Variants in DOCK5 observed in about 807,000 individuals in gnomAD.
DOCK5 encodes dedicator of cytokinesis protein 5.
DOCK5 carries 142 observed loss-of-function variants against 251.8 expected under a neutral mutation model. That is an observed-to-expected ratio of 0.56 (90% CI 0.49 to 0.65). The LOEUF (loss-of-function observed/expected upper bound fraction) is 0.65, where lower values mean the gene tolerates loss of function less well. Among genes scored for constraint, DOCK5 ranks in the 30% least tolerant of loss-of-function variants. DOCK5 has a pLI of 0.00. For synonymous variants in DOCK5, 842 were observed against 835.5 expected (o/e 1.01, Z -0.13); for missense variants, 2,111 against 2,312.3 (o/e 0.91, Z 1.79).
chr8:25,319,298 C>G (rs1805356688), intron 14 of DOCK5, among the ~76,000 whole-genome samples: 1 of 152,102 alleles, frequency 6.6e-6, no homozygotes, highest in Non-Finnish European at 1.5e-5. Context: ...AGAATGCATG[C>G]CTGGGGAGGG....
chr8:25,195,324 C>G (rs1373192827), intron 1 of DOCK5, among the ~76,000 whole-genome samples: 5 of 147,648 alleles, frequency 3.4e-5, no homozygotes, highest in Non-Finnish European at 7.4e-5. Flanking sequence ...AACTCCTGGC[C>G]TCAAGTGATT....
chr8:25,374,664 T>C lies in DOCK5; in HGVS notation c.3816+10T>C. 2.5e-6 allele frequency: 4 copies of C among 1,613,862 alleles called. No homozygotes were observed. In the South Asian group the frequency reaches 4.4e-5, roughly 18 times the overall value. ...CGCTGAGCTTCTGCAGGTGAATGGC[T>C]CAGAGAGCTTGTTTCAACAGGGTGG... On this transcript the variant is annotated intron_variant, in intron 37 of 51. Transcript: ENST00000276440.
intron 1 of DOCK5, among the ~76,000 whole-genome samples, chr8:25,235,885 C>T (rs1802783979): frequency 6.7e-6 from 1 of 149,926 alleles, no homozygotes; most frequent in South Asian, 2.1e-4. Context: ...GCAACCTCCA[C>T]CTCCTAGATT....
At chr8:25,276,937 C>T (rs1804055133) in intron 4 of DOCK5, 1 of 152,162 alleles carries the variant, frequency 6.6e-6, no homozygotes, top group African/African-American at 2.4e-5. Context: ...GATGTTATGA[C>T]ACAGGCGTTT....
chr8:25,365,707 G>A (rs1800763433), intron 30 of DOCK5, among the ~76,000 whole-genome samples: 2 of 152,200 alleles, frequency 1.3e-5, no homozygotes, highest in Admixed American at 6.5e-5. Context: ...ATCTGCCACA[G>A]AGTGCAAAGG....
At chr8:25,227,112 C>A (rs376295833) in intron 1 of DOCK5, among the ~76,000 whole-genome samples, 1 of 152,160 alleles carries the variant, frequency 6.6e-6, no homozygotes, top group East Asian at 1.9e-4. Context: ...GTTCTGACTT[C>A]TGCCGAATTT....
intron 1 of DOCK5, among the ~76,000 whole-genome samples, chr8:25,207,265 G>A (rs958193593): frequency 2.0e-4 from 30 of 152,194 alleles, no homozygotes; most frequent in African/African-American, 6.8e-4. Context: ...TGCAAGGTGA[G>A]GCAGCAAGTG....
At chr8:25,353,321 C>CT (rs1204121091) in intron 27 of DOCK5, among the ~76,000 whole-genome samples, 8 of 152,132 alleles carry the variant, frequency 5.3e-5, no homozygotes, top group Non-Finnish European at 7.3e-5. Context: ...GCCTGGGTGA[C>CT]TGAGTAAGAC....
intron 51 of DOCK5, among the ~76,000 whole-genome samples, chr8:25,410,701 A>AC (rs1801605834): frequency 1.7e-5 from 1 of 59,502 alleles, no homozygotes; most frequent in African/African-American, 5.7e-5. Flanking sequence ...GCCTCAAGTG[A>AC]TCCCCCCCAC....
chr8:25,399,246 T>C (rs1051167954), intron 45 of DOCK5, among the ~76,000 whole-genome samples: 2 of 152,204 alleles, frequency 1.3e-5, no homozygotes, highest in Non-Finnish European at 2.9e-5. Flanking sequence ...TTGGGTTTTA[T>C]TTACCTGTTA....
chr8:25,197,687 G>GA (rs1801767232), intron 1 of DOCK5, among the ~76,000 whole-genome samples: 1 of 141,628 alleles, frequency 7.1e-6, no homozygotes, highest in South Asian at 2.3e-4. Flanking sequence ...GGGTTCAAGA[G>GA]ATTCTCCTGC....
intron 2 of DOCK5, among the ~76,000 whole-genome samples, chr8:25,267,968 T>C (rs1435810631): frequency 6.6e-6 from 1 of 152,016 alleles, no homozygotes; most frequent in Non-Finnish European, 1.5e-5. Context: ...GTGCAAGAGA[T>C]TCTCCTGCCT....
Position 25,243,749 on chromosome 8 carries a change from T to C in DOCK5, c.119T>C (p.Met40Thr). 1 of 1,613,608 alleles carries C rather than the reference T, an allele frequency of 6.2e-7. No homozygotes were observed. The highest frequency in any genetic ancestry group is 8.5e-7 in the Non-Finnish European group (1 of 1,179,666). The change falls in exon 2 of 52, where the codon ATG becomes ACG. Residue 40 changes from methionine to threonine, a missense_variant. By Grantham distance (81) the Met-to-Thr change is moderately conservative (BLOSUM62 -1). Coordinates refer to ENST00000276440, the MANE Select transcript of DOCK5 (RefSeq NM_024940.8). ...QIGDTVHILEMYEGWYRGYTL... is the reference protein window; with the variant it reads ...QIGDTVHILETYEGWYRGYTL... ...GGTGACACAGTTCACATCCTGGAGATGTACGAGGGTAAGTCTGGCTGGCCT... is the reference window on the plus strand; with the variant it reads ...GGTGACACAGTTCACATCCTGGAGACGTACGAGGGTAAGTCTGGCTGGCCT...
chr8:25,368,253 G>A lies in DOCK5; in HGVS notation c.3283+3G>A. ...CCGGGACATGTGGTATAACCTGGGT[G>A]AGTGTCTAGCCTTGAACAGGCCTGA... On this transcript the variant is annotated splice_donor_region_variant and intron_variant, in intron 32 of 51. Coordinates refer to ENST00000276440, the MANE Select transcript of DOCK5 (RefSeq NM_024940.8). The A allele has an allele frequency of 6.2e-7, 1 of 1,611,714 alleles. No homozygotes were observed. Among genetic ancestry groups the A allele is most frequent in the African/African-American group, 1.3e-5 (1 of 75,046 alleles).
rs772324434 is a variant in DOCK5 at position 25,296,559 on chromosome 8, C to A, written c.517C>A (p.Leu173Ile). ...LVVRDDNGNI[L>I]DPDETSTIAL... ...GGTGCGAGATGACAATGGGAACATC[C>A]TAGACCCTGACGAAACCAGCACCAT... The change falls in exon 7 of 52, where the codon CTA becomes ATA. Residue 173 changes from leucine to isoleucine, a missense_variant. This residue lies in a region of DOCK5 where 335 missense variants were observed against 324.9 expected (regional missense o/e 1.03). Transcript: ENST00000276440. 4.3e-6 allele frequency: 7 copies of A among 1,611,970 alleles called. No homozygotes were observed. In the South Asian group the frequency reaches 5.5e-5, roughly 13 times the overall value.
intron 13 of DOCK5, among the ~76,000 whole-genome samples, chr8:25,311,337 A>T (rs1269254249): frequency 6.6e-6 from 1 of 151,920 alleles, no homozygotes; most frequent in Non-Finnish European, 1.5e-5. Context: ...AGGTCAAGAG[A>T]TCGAGACCAT....
intron 5 of DOCK5, among the ~76,000 whole-genome samples, chr8:25,285,123 T>C (rs1432678258): frequency 1.3e-5 from 2 of 152,088 alleles, no homozygotes; most frequent in African/African-American, 4.8e-5. Context: ...ATTGAAGGCA[T>C]AGTGTTGAAT....
chr8:25,375,245 T>C (rs746918727), intron 37 of DOCK5: 9 of 167,012 alleles, frequency 5.4e-5, no homozygotes, highest in Non-Finnish European at 7.8e-5. Context: ...TTTGTTACCA[T>C]GTTACTAATA....
intron 26 of DOCK5, among the ~76,000 whole-genome samples, chr8:25,350,500 G>A (rs1458525857): frequency 2.0e-5 from 3 of 152,184 alleles, no homozygotes; most frequent in African/African-American, 7.2e-5. Flanking sequence ...CAAGCTCAGC[G>A]AAGTTGAATA....
Sources: allele counts gnomAD v4.1 joint callset (sites outside exome capture counted in the v4.1 genomes callset), GRCh38; gene constraint gnomAD v4.1.1; regional missense constraint gnomAD v4.1.1; transcripts MANE v1.5; gene names NCBI Gene and HGNC (gene_info 2026-07-23, HGNC 2026-07-21).